Variants in TIAM2 observed in about 807,000 individuals in gnomAD.
TIAM2 encodes TIAM Rac1 associated GEF 2.
In TIAM2, 80 loss-of-function variants were observed where a neutral mutation model predicts 152.9. The ratio of observed to expected loss-of-function variants is 0.52; its 90% CI spans 0.44 to 0.63. The LOEUF (loss-of-function observed/expected upper bound fraction) is 0.63. Among genes scored for constraint, TIAM2 ranks in the 30% least tolerant of loss-of-function variants. The probability of loss-of-function intolerance (pLI) is 0.00; values close to 1 mark genes in which losing one functional copy is unlikely to be tolerated. For missense variants in TIAM2, 1,965 were observed against 2,120.1 expected, an observed-to-expected ratio of 0.93 and a Z score of 1.44; for synonymous variants, 804 against 838.0, an observed-to-expected ratio of 0.96 and a Z score of 0.70.
chr6:155,208,255 A>T (rs952382128), intron 14 of TIAM2, among the ~76,000 whole-genome samples: 18 of 152,202 alleles, frequency 1.2e-4, no homozygotes, highest in Non-Finnish European at 4.4e-5. Context: ...AACCTAGGTA[A>T]TGCACTTTTA....
chr6:155,052,790 A>G (rs989496931), intron 1 of TIAM2, among the ~76,000 whole-genome samples: 3 of 150,638 alleles, frequency 2.0e-5, no homozygotes, highest in African/African-American at 7.3e-5. Flanking sequence ...AAAAAAAAAA[A>G]GAAAGAAATT....
At chr6:155,254,091 CAG>C (rs1008843017) in intron 25 of TIAM2, 31 bp downstream of exon 25, 2 of 1,587,760 alleles carry the variant, frequency 1.3e-6, no homozygotes, top group African/African-American at 2.7e-5. Context: ...TTAAAACCAA[CAG>C]AAATAACATA....
chr6:155,176,728 C>T (rs1780767922), intron 9 of TIAM2, 88 bp from the exon 10 acceptor site: 8 of 1,419,568 alleles, frequency 5.6e-6, no homozygotes, highest in African/African-American at 1.4e-5. Context: ...ACTCTAAATA[C>T]TCCGTAAATG....
In TIAM2 at chr6:155,186,078, G is replaced by A. The variant is rs752797410; in HGVS notation, c.3064+2578G>A. 2.0e-5 allele frequency among the ~76,000 whole-genome samples: 3 copies of A among 152,278 alleles called. No individual in the cohort carries two copies. Among genetic ancestry groups the A allele is most frequent in the African/African-American group, 7.2e-5 (3 of 41,572 alleles). The stretch of plus-strand genomic sequence containing the variant: ...GAAAAGAAAATAAGGGTAGGTGGGT[G>A]GATTAAAAGATAAAAGTGAAAAAAG... On this transcript the variant is annotated intron_variant, in intron 14 of 26. Transcript: ENST00000682666. The surrounding 1 kb of genome is among the most constrained non-coding windows in gnomAD (Gnocchi z 4.5).
chr6:155,092,588 G>A (rs1202517634), intron 2 of TIAM2, among the ~76,000 whole-genome samples: 2 of 151,656 alleles, frequency 1.3e-5, no homozygotes, highest in African/African-American at 4.8e-5. Context: ...TAATATATTT[G>A]CTCATGCCTG....
chr6:155,145,424 C>G (rs1231510578), intron 6 of TIAM2, among the ~76,000 whole-genome samples: 1 of 152,090 alleles, frequency 6.6e-6, no homozygotes, highest in Non-Finnish European at 1.5e-5. Flanking sequence ...GAGCGCGTAC[C>G]AGACTTCTCT....
chr6:155,149,262 G>C (rs541927602), intron 7 of TIAM2: 4 of 167,052 alleles, frequency 2.4e-5, no homozygotes, highest in Non-Finnish European at 5.9e-5. Context: ...TGTGAGCTGG[G>C]AAAAGGAAAG....
At chr6:155,063,541 T>G (rs565324629) in intron 1 of TIAM2, among the ~76,000 whole-genome samples, 7 of 152,268 alleles carry the variant, frequency 4.6e-5, no homozygotes, top group African/African-American at 1.4e-4. Flanking sequence ...CCCAGCACTT[T>G]GGAAGGCCGA....
chr6:155,157,076 G>A (rs781703057), intron 7 of TIAM2, among the ~76,000 whole-genome samples: 1 of 151,944 alleles, frequency 6.6e-6, no homozygotes. Context: ...GCTCCTGGAG[G>A]AACCGTGTCT....
chr6:155,077,373 A>G (rs904010910), intron 1 of TIAM2, among the ~76,000 whole-genome samples: 5 of 152,190 alleles, frequency 3.3e-5, no homozygotes, highest in African/African-American at 4.8e-5. Context: ...GAATATTACT[A>G]TAGATATTGA....
chr6:155,074,639 C>T (rs1583178093), intron 1 of TIAM2, among the ~76,000 whole-genome samples: 1 of 152,158 alleles, frequency 6.6e-6, no homozygotes, highest in Non-Finnish European at 1.5e-5. Flanking sequence ...TGAGCCACCC[C>T]ACTTAGCCTG....
At chr6:155,111,391 A>C (rs553048208) in intron 2 of TIAM2, among the ~76,000 whole-genome samples, 4 of 152,254 alleles carry the variant, frequency 2.6e-5, no homozygotes, top group Admixed American at 1.3e-4. Context: ...CAGCCAGACA[A>C]GTTAACTATA....
At chr6:155,135,115 T>G (rs1241758318) in intron 4 of TIAM2, among the ~76,000 whole-genome samples, 1 of 152,244 alleles carries the variant, frequency 6.6e-6, no homozygotes, top group Non-Finnish European at 1.5e-5. Flanking sequence ...CTGTTATGCA[T>G]AAGCATCAGT....
intron 1 of TIAM2, among the ~76,000 whole-genome samples, chr6:155,047,514 TAGTG>T (rs1443421957): frequency 1.3e-5 from 2 of 152,050 alleles, no homozygotes; most frequent in Non-Finnish European, 2.9e-5. Context: ...AAACGTGACT[TAGTG>T]AGGAGGAGAA....
At chr6:154,998,747 GGAAACT>G (rs1254093085) in intron 1 of TIAM2, among the ~76,000 whole-genome samples, 1 of 152,154 alleles carries the variant, frequency 6.6e-6, no homozygotes. Context: ...TTATGGGTAA[GGAAACT>G]GAGTCCCAGG....
At chr6:155,049,568 T>A (rs1047226222) in intron 1 of TIAM2, among the ~76,000 whole-genome samples, 17 of 152,166 alleles carry the variant, frequency 1.1e-4, no homozygotes, top group Non-Finnish European at 1.8e-4. Flanking sequence ...AGTCTTGGCG[T>A]GCCTGCTGCA....
intron 4 of TIAM2, among the ~76,000 whole-genome samples, chr6:155,131,619 G>A (rs537150211): frequency 6.8e-6 from 1 of 147,986 alleles, no homozygotes; most frequent in East Asian, 2.0e-4. Context: ...TCGCTCCGTT[G>A]TACAGGCTGG....
intron 2 of TIAM2, among the ~76,000 whole-genome samples, chr6:155,094,724 G>GTTTTTTTTTTTTTTTT (rs200208029): frequency 7.3e-6 from 1 of 136,230 alleles, no homozygotes; most frequent in African/African-American, 2.7e-5. Flanking sequence ...TATATCTATG[G>GTTTTTTTTTTTTTTTT]TTTTTTTTTT....
At chr6:155,228,522 G>A (rs1260412427) in intron 15 of TIAM2, among the ~76,000 whole-genome samples, 1 of 152,144 alleles carries the variant, frequency 6.6e-6, no homozygotes, top group Non-Finnish European at 1.5e-5. Context: ...TTAATCAGAA[G>A]CAAAGCCATA....
Sources: gnomAD v4.1 joint callset for allele counts (sites outside exome capture counted in the v4.1 genomes callset) on GRCh38, gnomAD v4.1.1 for gene constraint, Gnocchi (gnomAD v3.1) non-coding constraint, MANE v1.5 for transcripts, NCBI Gene and HGNC (gene_info 2026-07-23, HGNC 2026-07-21) for gene names.